GMDS: variants seen among roughly 807,000 people sequenced by gnomAD.
GMDS encodes GDP-mannose 4,6-dehydratase, also known as GDP-mannose 4,6 dehydratase.
Under a neutral mutation model 49.9 loss-of-function variants are expected in GMDS, and 20 were observed. The observed-to-expected ratio is 0.40, with a 90% confidence interval of 0.28 to 0.58. The LOEUF (loss-of-function observed/expected upper bound fraction) is 0.58. GMDS is among the 20% of genes least tolerant of loss of function. The pLI, the probability that GMDS is intolerant of heterozygous loss-of-function variation, is 0.42. For synonymous variants in GMDS, 177 were observed against 178.6 expected, an observed-to-expected ratio of 0.99 and a Z score of 0.07; for missense variants, 362 against 481.4, an observed-to-expected ratio of 0.75 and a Z score of 2.32.
intron 1 of GMDS, among the ~76,000 whole-genome samples, chr6:2,197,859 A>T (rs772936722): frequency 1.3e-5 from 2 of 152,216 alleles, no homozygotes; most frequent in Non-Finnish European, 2.9e-5. Context: ...CAGGGCTAAA[A>T]GGCAGATTTT....
intron 4 of GMDS, among the ~76,000 whole-genome samples, chr6:2,010,578 T>G (rs1308902220): frequency 6.6e-6 from 1 of 152,146 alleles, no homozygotes. Flanking sequence ...AATGAAGATG[T>G]TGGCTGACAC....
At chr6:2,059,707 C>CAAAAAAAAA (rs35230658) in intron 4 of GMDS, among the ~76,000 whole-genome samples, 23 of 17,764 alleles carry the variant, frequency 1.3e-3, no homozygotes, top group South Asian at 0.014. Flanking sequence ...GACTCCGTCT[C>CAAAAAAAAA]AAAAAAAAAA....
intron 1 of GMDS, among the ~76,000 whole-genome samples, chr6:2,231,209 T>C (rs560455993): frequency 2.6e-5 from 4 of 152,122 alleles, no homozygotes; most frequent in African/African-American, 7.2e-5. Flanking sequence ...GCTGTAAGGA[T>C]TCCCTGGGTA....
intron 7 of GMDS, among the ~76,000 whole-genome samples, chr6:1,846,595 G>C (rs1757424397): frequency 6.6e-6 from 1 of 152,208 alleles, no homozygotes; most frequent in African/African-American, 2.4e-5. Context: ...TGGGAACATG[G>C]AAAGAGAAGC....
At chr6:2,145,070 A>G (rs1776483345) in intron 1 of GMDS, among the ~76,000 whole-genome samples, 1 of 152,226 alleles carries the variant, frequency 6.6e-6, no homozygotes, top group African/African-American at 2.4e-5. Flanking sequence ...ACTAAAGATG[A>G]GGATGGAGAC....
At chr6:1,865,310 T>C (rs966722923) in intron 7 of GMDS, among the ~76,000 whole-genome samples, 10 of 152,230 alleles carry the variant, frequency 6.6e-5, no homozygotes, top group Non-Finnish European at 1.5e-4. Context: ...ACTAGGAATA[T>C]TACAACTACT....
At chr6:1,868,581 T>A (rs943221765) in intron 7 of GMDS, among the ~76,000 whole-genome samples, 2 of 152,226 alleles carry the variant, frequency 1.3e-5, no homozygotes, top group Admixed American at 1.3e-4. Flanking sequence ...TTACTTTATT[T>A]AATAATTTTT....
intron 9 of GMDS, among the ~76,000 whole-genome samples, chr6:1,668,486 G>A (rs9502996): frequency 0.17 from 25,946 of 152,128 alleles, 2,706 homozygotes; most frequent in African/African-American, 0.28. Flanking sequence ...AAGGCAGGCG[G>A]ATCACCTGAG....
chr6:2,170,360 T>C (rs1276951586), intron 1 of GMDS, among the ~76,000 whole-genome samples: 1 of 152,174 alleles, frequency 6.6e-6, no homozygotes, highest in African/African-American at 2.4e-5. Flanking sequence ...GTGTACTAGC[T>C]CATACCTATA....
intron 7 of GMDS, among the ~76,000 whole-genome samples, chr6:1,924,504 T>C (rs1467589920): frequency 6.6e-6 from 1 of 152,164 alleles, no homozygotes; most frequent in East Asian, 1.9e-4. Context: ...TTGTGGGTGG[T>C]AAAAGCCTGA....
chr6:1,840,843 G>A (rs1359128986), intron 7 of GMDS, among the ~76,000 whole-genome samples: 3 of 152,188 alleles, frequency 2.0e-5, no homozygotes, highest in East Asian at 1.9e-4. Context: ...AACAAACAGC[G>A]TTCGGGTTGG....
At chr6:1,931,011 T>G (rs1313276212) in intron 6 of GMDS, 1 of 152,228 alleles carries the variant, frequency 6.6e-6, no homozygotes, top group Non-Finnish European at 1.5e-5. Context: ...TCTCTGGTCT[T>G]TAATGAAAAC....
chr6:1,656,366 C>T (rs903218170), intron 9 of GMDS, among the ~76,000 whole-genome samples: 1 of 152,130 alleles, frequency 6.6e-6, no homozygotes, highest in African/African-American at 2.4e-5. Context: ...CAAATTCAGG[C>T]TCAAAGGAGA....
chr6:1,659,524 T>C (rs188296011), intron 9 of GMDS, among the ~76,000 whole-genome samples: 1 of 152,196 alleles, frequency 6.6e-6, no homozygotes, highest in East Asian at 1.9e-4. Context: ...ATCCATACTG[T>C]CTACCCAGAT....
chr6:1,993,233 T>A (rs901319138), intron 4 of GMDS, among the ~76,000 whole-genome samples: 2 of 152,232 alleles, frequency 1.3e-5, no homozygotes, highest in African/African-American at 4.8e-5. Flanking sequence ...CTCGCTTCTA[T>A]GCTGGCTCGT....
At chr6:1,791,151 G>A (rs976516677) in intron 7 of GMDS, among the ~76,000 whole-genome samples, 6 of 152,210 alleles carry the variant, frequency 3.9e-5, no homozygotes, top group African/African-American at 1.2e-4. Flanking sequence ...GCCTCTGGAA[G>A]GGATGTAGCT....
chr6:1,813,181 C>T (rs1194708552), intron 7 of GMDS, among the ~76,000 whole-genome samples: 15 of 142,250 alleles, frequency 1.1e-4, no homozygotes, highest in Admixed American at 4.4e-4. Flanking sequence ...GTGAATGTGC[C>T]GCCGCACTGA....
At chr6:2,150,878 C>T (rs1345223416) in intron 1 of GMDS, among the ~76,000 whole-genome samples, 1 of 152,126 alleles carries the variant, frequency 6.6e-6, no homozygotes, top group Non-Finnish European at 1.5e-5. Flanking sequence ...AGACCACAGT[C>T]AAAGTTCACA....
chr6:2,100,070 A>G (rs1773835773), intron 4 of GMDS, among the ~76,000 whole-genome samples: 1 of 152,050 alleles, frequency 6.6e-6, no homozygotes, highest in Admixed American at 6.6e-5. Flanking sequence ...ACTGAGGCCC[A>G]GAGAGACTAT....
Sources: allele counts gnomAD v4.1 joint callset (sites outside exome capture counted in the v4.1 genomes callset), GRCh38; gene constraint gnomAD v4.1.1; transcripts MANE v1.5; gene names NCBI Gene and HGNC (gene_info 2026-07-23, HGNC 2026-07-21).